The following SP4 variants were observed in gnomAD, a reference collection of about 807,000 sequenced individuals.
The protein encoded by SP4 is Sp4 transcription factor.
SP4 carries 19 observed loss-of-function variants against 72.8 expected under a neutral mutation model. That is an observed-to-expected ratio of 0.26 (90% CI 0.18 to 0.38). SP4 has a LOEUF of 0.38. Ranked by LOEUF, SP4 falls within the 10% of genes least tolerant of loss-of-function variation. The pLI is 1.00. For synonymous variants in SP4, 395 were observed against 333.1 expected, an observed-to-expected ratio of 1.19 and a Z score of -2.02; for missense variants, 1,008 against 926.3, an observed-to-expected ratio of 1.09 and a Z score of -1.14.
At position 21,430,021 on chromosome 7, in the gene SP4, C is replaced by T; in HGVS notation, c.856C>T (p.Pro286Ser). 6.2e-7 allele frequency: 1 copy of T among 1,614,154 alleles called. No homozygotes were observed. The highest frequency in any genetic ancestry group is 8.5e-7 in the Non-Finnish European group (1 of 1,180,020). Residue 286 changes from proline (P) to serine (S), a missense_variant, in exon 3 of 6, where the codon CCT becomes TCT. Transcript: ENST00000222584. ...AGGAGGGACTGGGCAGGTTGGCCAG[C>T]CTGCTGCTACTGCTGATAGTGGGAC... ...AGGGTGQVGQ[P>S]AATADSGTSN... is the part of the protein sequence containing the mutation.
At chr7:21,503,713 T>C (rs766076500) in intron 5 of SP4, among the ~76,000 whole-genome samples, 5 of 152,242 alleles carry the variant, frequency 3.3e-5, no homozygotes, top group Non-Finnish European at 7.3e-5. Flanking sequence ...AATACTTTAG[T>C]CTTCCTACTT....
At chr7:21,445,817 G>T (rs774258203) in intron 3 of SP4, among the ~76,000 whole-genome samples, 40 of 152,152 alleles carry the variant, frequency 2.6e-4, no homozygotes, top group African/African-American at 9.6e-4. Context: ...GTTTTAAAAG[G>T]ATTTTCTCTC....
chr7:21,484,104 A>T (rs1784755735), intron 5 of SP4, among the ~76,000 whole-genome samples: 1 of 151,910 alleles, frequency 6.6e-6, no homozygotes, highest in African/African-American at 2.4e-5. Flanking sequence ...TATGAAATCT[A>T]TTAAAAATGG....
intron 5 of SP4, among the ~76,000 whole-genome samples, chr7:21,487,610 G>A (rs1000470632): frequency 6.6e-6 from 1 of 151,980 alleles, no homozygotes; most frequent in Non-Finnish European, 1.5e-5. Context: ...GGATGCAGGT[G>A]CTTGCTGAAA....
intron 3 of SP4, among the ~76,000 whole-genome samples, chr7:21,449,763 T>TA (rs1404362041): frequency 2.6e-5 from 4 of 152,182 alleles, no homozygotes; most frequent in Non-Finnish European, 5.9e-5. Context: ...CACCTTTAGT[T>TA]ATTGGCAAAC....
At chr7:21,504,271 C>A (rs981423783) in intron 5 of SP4, among the ~76,000 whole-genome samples, 2 of 152,180 alleles carry the variant, frequency 1.3e-5, no homozygotes, top group African/African-American at 4.8e-5. Context: ...CAATTATTTT[C>A]CCCTGCTATT....
At chr7:21,454,215 T>C (rs1488951313) in intron 3 of SP4, among the ~76,000 whole-genome samples, 3 of 152,228 alleles carry the variant, frequency 2.0e-5, no homozygotes, top group Non-Finnish European at 4.4e-5. Context: ...TGGCTAACTC[T>C]GTGTGTCTTC....
At chr7:21,489,805 G>A (rs191730888) in intron 5 of SP4, among the ~76,000 whole-genome samples, 170 of 151,996 alleles carry the variant, frequency 1.1e-3, no homozygotes, top group Admixed American at 0.01. Context: ...GGATCCACCC[G>A]CCTCGGCCTC....
chr7:21,473,071 T>C (rs907803449), intron 3 of SP4, among the ~76,000 whole-genome samples: 4 of 152,182 alleles, frequency 2.6e-5, no homozygotes, highest in Non-Finnish European at 4.4e-5. Flanking sequence ...GAAAGTGAGA[T>C]GATCAGAACA....
intron 5 of SP4, among the ~76,000 whole-genome samples, chr7:21,501,294 G>A (rs1390103229): frequency 2.6e-5 from 4 of 152,060 alleles, no homozygotes; most frequent in African/African-American, 9.7e-5. Context: ...AGTATATTTA[G>A]ATTTATCATG....
chr7:21,471,038 A>G (rs1233525955), intron 3 of SP4: 3 of 534,412 alleles, frequency 5.6e-6, no homozygotes, highest in Admixed American at 1.9e-5. Flanking sequence ...GGGTGGGAGA[A>G]TGTGTTGGAT....
chr7:21,455,273 T>C (rs1186094098), intron 3 of SP4, among the ~76,000 whole-genome samples: 1 of 152,226 alleles, frequency 6.6e-6, no homozygotes, highest in Non-Finnish European at 1.5e-5. Context: ...CCACTTGCAA[T>C]TAACTGAAGG....
intron 5 of SP4, among the ~76,000 whole-genome samples, chr7:21,502,988 G>C (rs1468212343): frequency 1.3e-5 from 2 of 151,874 alleles, no homozygotes; most frequent in Non-Finnish European, 2.9e-5. Context: ...CTCCTTTCCA[G>C]GGTCTCCTTT....
At chr7:21,440,248 C>A (rs1422007300) in intron 3 of SP4, among the ~76,000 whole-genome samples, 3 of 151,778 alleles carry the variant, frequency 2.0e-5, no homozygotes, top group South Asian at 2.1e-4. Flanking sequence ...GATATTAGTT[C>A]CTACCTTCTT....
intron 3 of SP4, among the ~76,000 whole-genome samples, chr7:21,434,793 C>G (rs1782991671): frequency 6.6e-6 from 1 of 151,600 alleles, no homozygotes; most frequent in African/African-American, 2.4e-5. Flanking sequence ...GTCTGTTATT[C>G]CACCTGTATG....
chr7:21,485,861 G>T (rs1200543757), intron 5 of SP4, among the ~76,000 whole-genome samples: 6 of 151,898 alleles, frequency 4.0e-5, no homozygotes. Context: ...TTCTTCTGTA[G>T]ACCTGTTCCA....
At chr7:21,471,278 G>A (rs946145781) in intron 3 of SP4, 1 of 353,464 alleles carries the variant, frequency 2.8e-6, no homozygotes, top group Non-Finnish European at 5.8e-6. Flanking sequence ...TCTGCAATAT[G>A]AATATTAGAA....
intron 5 of SP4, among the ~76,000 whole-genome samples, chr7:21,490,082 C>G (rs1311508097): frequency 6.6e-6 from 1 of 152,236 alleles, no homozygotes; most frequent in Non-Finnish European, 1.5e-5. Context: ...ACTAAAAACT[C>G]TGGACAAGTT....
chr7:21,492,421 C>T (rs1445653208), intron 5 of SP4, among the ~76,000 whole-genome samples: 1 of 152,122 alleles, frequency 6.6e-6, no homozygotes, highest in African/African-American at 2.4e-5. Context: ...TCAGCACCAG[C>T]AGGACGCTCA....
Sources: gnomAD v4.1 joint callset for allele counts (sites outside exome capture counted in the v4.1 genomes callset) on GRCh38, gnomAD v4.1.1 for gene constraint, MANE v1.5 for transcripts, NCBI Gene and HGNC (gene_info 2026-07-23, HGNC 2026-07-21) for gene names.